Variants in PPP3CC observed in about 807,000 individuals in gnomAD.
PPP3CC encodes serine/threonine-protein phosphatase 2B catalytic subunit gamma isoform.
In PPP3CC, 35 loss-of-function variants were observed where a neutral mutation model predicts 60.3. The ratio of observed to expected loss-of-function variants is 0.58; its 90% confidence interval spans 0.44 to 0.77. The LOEUF is 0.77. Among genes scored for constraint, PPP3CC ranks in the 30% least tolerant of loss-of-function variants. PPP3CC has a pLI of 0.00. For synonymous variants in PPP3CC, 206 were observed against 224.3 expected (o/e 0.92, Z 0.73); for missense variants, 570 against 628.9 (o/e 0.91, Z 1.00).
At chr8:22,492,195 G>A (rs150095775) in intron 3 of PPP3CC, among the ~76,000 whole-genome samples, 75 of 152,036 alleles carry the variant, frequency 4.9e-4, no homozygotes, top group African/African-American at 1.8e-3. Flanking sequence ...TAACACAAGG[G>A]TAAGTATTGT....
intron 4 of PPP3CC, among the ~76,000 whole-genome samples, chr8:22,502,322 A>T (rs1476629364): frequency 6.6e-6 from 1 of 152,222 alleles, no homozygotes; most frequent in Non-Finnish European, 1.5e-5. Context: ...AGGTAATCTA[A>T]ATGTCAACAA....
chr8:22,538,358 A>G (rs1029677150), intron 12 of PPP3CC, among the ~76,000 whole-genome samples: 21 of 152,212 alleles, frequency 1.4e-4, no homozygotes, highest in African/African-American at 5.1e-4. Flanking sequence ...TATTTGTTCT[A>G]CTTAAGGAGA....
chr8:22,509,733 A>T (rs1839026843), intron 4 of PPP3CC, among the ~76,000 whole-genome samples: 1 of 152,120 alleles, frequency 6.6e-6, no homozygotes, highest in African/African-American at 2.4e-5. Context: ...ACAGAGGCTC[A>T]CTCTGTTGCT....
intron 12 of PPP3CC, among the ~76,000 whole-genome samples, chr8:22,537,340 T>G (rs1225097538): frequency 1.3e-5 from 2 of 152,138 alleles, no homozygotes; most frequent in African/African-American, 4.8e-5. Flanking sequence ...AAAATGCTAA[T>G]CAAAACCACA....
At chr8:22,456,729 C>A (rs79591494) in intron 1 of PPP3CC, among the ~76,000 whole-genome samples, 2,909 of 152,284 alleles carry the variant, frequency 0.019, 90 homozygotes, top group African/African-American at 0.066. Context: ...GATTTAGTTA[C>A]TTCCCCTGTA....
intron 1 of PPP3CC, among the ~76,000 whole-genome samples, chr8:22,456,983 TCCTCCCTCCCTCCCTC>T (rs1201074487): frequency 7.9e-5 from 8 of 101,346 alleles, no homozygotes; most frequent in Admixed American, 9.9e-5. Context: ...GTGATTTATT[TCCTCCCTCCCTCCCTC>T]CCTCCCTCCC....
At chr8:22,448,351 A>G (rs1836896225) in intron 1 of PPP3CC, among the ~76,000 whole-genome samples, 1 of 151,662 alleles carries the variant, frequency 6.6e-6, no homozygotes, top group African/African-American at 2.4e-5. Context: ...AATATGGTGT[A>G]TATATTAGAC....
At chr8:22,473,681 T>C (rs1837799019) in intron 1 of PPP3CC, among the ~76,000 whole-genome samples, 1 of 151,720 alleles carries the variant, frequency 6.6e-6, no homozygotes, top group East Asian at 1.9e-4. Flanking sequence ...CCAGGCTGGT[T>C]TTGAACTCCC....
intron 1 of PPP3CC, among the ~76,000 whole-genome samples, chr8:22,443,519 TAA>T (rs5890033): frequency 8.9e-4 from 92 of 103,640 alleles, no homozygotes; most frequent in East Asian, 5.2e-3. Flanking sequence ...AAACTCTCTC[TAA>T]AAAAAAAAAA....
rs765916475 is a variant in PPP3CC at position 22,475,686 on chromosome 8, T to C, written c.372+62T>C. On this transcript the variant is annotated intron_variant, in intron 3 of 13. Coordinates refer to ENST00000240139, the MANE Select transcript of PPP3CC (RefSeq NM_005605.5). ...TGTCTTTCAAAAAAGATGATTTCCA[T>C]TCTTCAGTAGAAGAAATTAAAATGA... The C allele has an allele frequency of 7.6e-6, 11 of 1,449,164 alleles. No homozygotes were observed. The East Asian group carries it at 2.7e-4, about 35-fold the overall frequency. 89.8% of individuals were successfully genotyped at this position (1,449,164 alleles called of 1,614,324 possible). A position where few individuals can be genotyped will look rare whatever the true frequency, so the allele number is the denominator to read the frequency against.
At chr8:22,462,797 C>G (rs1275313129) in intron 1 of PPP3CC, among the ~76,000 whole-genome samples, 1 of 152,124 alleles carries the variant, frequency 6.6e-6, no homozygotes, top group Non-Finnish European at 1.5e-5. Flanking sequence ...CCTCGATGTT[C>G]TTTTTCTTAG....
intron 1 of PPP3CC, among the ~76,000 whole-genome samples, chr8:22,462,887 C>T (rs1242132234): frequency 6.6e-6 from 1 of 152,196 alleles, no homozygotes; most frequent in African/African-American, 2.4e-5. Flanking sequence ...CACTTGGCAT[C>T]TGCAACACAC....
intron 3 of PPP3CC, among the ~76,000 whole-genome samples, chr8:22,476,499 C>T (rs916970943): frequency 1.3e-5 from 2 of 152,176 alleles, no homozygotes; most frequent in Admixed American, 1.3e-4. Flanking sequence ...CTTGCAGCCT[C>T]ACTCCTAAAT....
In PPP3CC at chr8:22,529,341, A is replaced by G. The variant is rs1447611646; in HGVS notation, c.1141+764A>G. On this transcript the variant is annotated intron_variant, in intron 10 of 13. Coordinates refer to ENST00000240139, the MANE Select transcript of PPP3CC (RefSeq NM_005605.5). ...ATGCATAGTCACAGTGCTGTCTCCA[A>G]TACTGTTTATGATACTTGTTATAGT... is the stretch of plus-strand genomic sequence containing the variant. 4.6e-5 allele frequency among the ~76,000 whole-genome samples: 7 copies of G among 152,318 alleles called. No individual in the cohort carries two copies. The South Asian group carries it at 6.2e-4, about 14-fold the overall frequency.
At chr8:22,470,530 A>T (rs141865150) in intron 1 of PPP3CC, among the ~76,000 whole-genome samples, 1 of 152,350 alleles carries the variant, frequency 6.6e-6, no homozygotes, top group East Asian at 1.9e-4. Context: ...GATAAAGGAC[A>T]TGTACCCAGA....
chr8:22,515,670 G>T (rs1244547496), intron 6 of PPP3CC, among the ~76,000 whole-genome samples: 2 of 152,154 alleles, frequency 1.3e-5, no homozygotes, highest in Non-Finnish European at 2.9e-5. Context: ...TTTTAACTGG[G>T]TGAGATGATA....
At chr8:22,535,479 C>A (rs879775419) in intron 12 of PPP3CC, among the ~76,000 whole-genome samples, 1 of 150,862 alleles carries the variant, frequency 6.6e-6, no homozygotes, top group Non-Finnish European at 1.5e-5. Context: ...CCCACCTCAT[C>A]GTTCATCTGG....
intron 12 of PPP3CC, 139 bp downstream of exon 12, chr8:22,533,157 C>G (rs1839763548): frequency 7.3e-6 from 4 of 547,582 alleles, no homozygotes; most frequent in African/African-American, 3.9e-5. Context: ...GAATCTTCAC[C>G]CCTACTTCCC....
At chr8:22,490,059 G>C (rs889751708) in intron 3 of PPP3CC, among the ~76,000 whole-genome samples, 1 of 151,728 alleles carries the variant, frequency 6.6e-6, no homozygotes, top group Non-Finnish European at 1.5e-5. Context: ...TCCTGACCTC[G>C]TGATCTACCC....
Sources: allele counts gnomAD v4.1 joint callset (sites outside exome capture counted in the v4.1 genomes callset), GRCh38; gene constraint gnomAD v4.1.1; transcripts MANE v1.5; gene names NCBI Gene and HGNC (gene_info 2026-07-23, HGNC 2026-07-21).